Variants in CNTNAP2 observed in about 807,000 individuals in gnomAD.
CNTNAP2 encodes the protein contactin-associated protein-like 2.
Under a neutral mutation model 155.2 loss-of-function variants are expected in CNTNAP2, and 98 were observed. The observed-to-expected ratio is 0.63, with a 90% CI of 0.54 to 0.75. CNTNAP2 has a LOEUF of 0.75. CNTNAP2 is among the 30% of genes least tolerant of loss of function. CNTNAP2 has a pLI of 0.00. For missense variants in CNTNAP2, 1,727 were observed against 1,688.1 expected (o/e 1.02, Z -0.40); for synonymous variants, 651 against 631.2 (o/e 1.03, Z -0.47).
In CNTNAP2 at chr7:146,246,429, G is replaced by C. The variant is rs528925406; in HGVS notation, c.97+129456G>C. Among the ~76,000 whole-genome samples the C allele has an allele frequency of 1.2e-4, 18 of 150,240 alleles. 1 individual carries two copies. Among genetic ancestry groups the C allele is most frequent in the Admixed American group, 1.1e-3 (17 of 15,188 alleles). On this transcript the variant is annotated intron_variant, in intron 1 of 23. Transcript: ENST00000361727. ...AAGAGTATTGTCTAAGTTGGCATGAGAGTGGGGGTTTTAAGAGGTTTAGAA... is the reference window on the plus strand; with the variant it reads ...AAGAGTATTGTCTAAGTTGGCATGACAGTGGGGGTTTTAAGAGGTTTAGAA...
chr7:148,287,773 C>CTT (rs2116474194), intron 21 of CNTNAP2, among the ~76,000 whole-genome samples: 2 of 146,912 alleles, frequency 1.4e-5, no homozygotes, highest in Admixed American at 1.4e-4. Context: ...GTCTCTCTTC[C>CTT]TCTTTCTTTC....
intron 1 of CNTNAP2, among the ~76,000 whole-genome samples, chr7:146,633,169 G>T (rs891127355): frequency 6.6e-6 from 1 of 152,034 alleles, no homozygotes; most frequent in Non-Finnish European, 1.5e-5. Context: ...TGTACACCCC[G>T]TAGATTATAC....
At chr7:146,415,260 A>G (rs1795922790) in intron 1 of CNTNAP2, among the ~76,000 whole-genome samples, 1 of 152,106 alleles carries the variant, frequency 6.6e-6, no homozygotes, top group Non-Finnish European at 1.5e-5. Context: ...ACACACAATG[A>G]TCACCTTCCT....
chr7:146,708,417 C>T lies in CNTNAP2; in HGVS notation c.98-65854C>T, dbSNP rs184087390. The stretch of plus-strand genomic sequence containing the variant: ...TTTTTTGTGGTTCTCTCTTAGGAGA[C>T]TTTTGCTGAAGCTTAAATGCTTTAA... On this transcript the variant is annotated intron_variant, in intron 1 of 23. Coordinates refer to ENST00000361727, the MANE Select transcript of CNTNAP2 (RefSeq NM_014141.6). 2.4e-3 allele frequency among the ~76,000 whole-genome samples: 359 copies of T among 151,748 alleles called. 1 individual carries two copies. Among genetic ancestry groups the T allele is most frequent in the Non-Finnish European group, 3.7e-3 (252 of 67,916 alleles).
At chr7:146,932,772 A>G (rs1796806287) in intron 3 of CNTNAP2, among the ~76,000 whole-genome samples, 1 of 152,102 alleles carries the variant, frequency 6.6e-6, no homozygotes. Context: ...CAAAAATCAC[A>G]AGCATTCTTA....
intron 18 of CNTNAP2, 71 bp downstream of exon 18, chr7:148,172,549 T>G (rs955291258): frequency 4.0e-5 from 53 of 1,315,368 alleles, no homozygotes; most frequent in Non-Finnish European, 5.5e-5. Flanking sequence ...TTTAATGATT[T>G]TTCATATGTA....
At chr7:146,701,406 A>C (rs922081591) in intron 1 of CNTNAP2, among the ~76,000 whole-genome samples, 2 of 152,150 alleles carry the variant, frequency 1.3e-5, no homozygotes, top group African/African-American at 4.8e-5. Context: ...TTCTGGGCCA[A>C]TGCCCATACT....
intron 4 of CNTNAP2, among the ~76,000 whole-genome samples, chr7:147,106,684 T>G (rs1007300747): frequency 3.9e-5 from 6 of 152,166 alleles, no homozygotes; most frequent in Non-Finnish European, 7.4e-5. Context: ...AAGCCATCAA[T>G]GATTTGAAAG....
chr7:146,480,872 C>A (rs1796950407), intron 1 of CNTNAP2, among the ~76,000 whole-genome samples: 1 of 151,090 alleles, frequency 6.6e-6, no homozygotes, highest in Non-Finnish European at 1.5e-5. Flanking sequence ...TCAGTAGAGA[C>A]AGGGTTTCAC....
chr7:147,062,235 A>G (rs149307575), intron 4 of CNTNAP2, among the ~76,000 whole-genome samples: 7 of 150,852 alleles, frequency 4.6e-5, no homozygotes, highest in African/African-American at 1.7e-4. Context: ...TATTTTCAAT[A>G]TCACATTAAA....
At chr7:146,893,012 TAA>T (rs1252595388) in intron 3 of CNTNAP2, among the ~76,000 whole-genome samples, 1 of 152,136 alleles carries the variant, frequency 6.6e-6, no homozygotes, top group Non-Finnish European at 1.5e-5. Flanking sequence ...ATAGTGACAG[TAA>T]TTGGTAGGAA....
rs563558737 is a variant in CNTNAP2, at chr7:147,195,627, C to T, written c.1348+63118C>T. On this transcript the variant is annotated intron_variant, in intron 8 of 23. Coordinates refer to ENST00000361727, the MANE Select transcript of CNTNAP2 (RefSeq NM_014141.6). ...GGTTTTTAGTTCTCCTTGAAGAGGT[C>T]CTTCATGTCCCTTGTTAACTATATT... Among the ~76,000 whole-genome samples the T allele has an allele frequency of 7.6e-4, 115 of 152,152 alleles. 1 individual carries two copies. The highest frequency in any genetic ancestry group is 1.0e-3 in the Non-Finnish European group (71 of 68,016).
chr7:147,100,021 G>A (rs1238602109), intron 4 of CNTNAP2, among the ~76,000 whole-genome samples: 3 of 152,142 alleles, frequency 2.0e-5, no homozygotes, highest in Non-Finnish European at 4.4e-5. Flanking sequence ...GGATATATGA[G>A]AGTTATAACC....
rs538710007 is a variant in CNTNAP2, at chr7:146,907,589, C to G, written c.402+67685C>G. Among the ~76,000 whole-genome samples the G allele has an allele frequency of 3.3e-3, 482 of 148,238 alleles. 6 individuals carry two copies. The highest frequency in any genetic ancestry group is 0.011 in the African/African-American group (437 of 39,932). ...AAGGAGAAATAAAATACTTTACAGA[C>G]AAGCAAATGCTGAGAGATTTTGTCA... On this transcript the variant is annotated intron_variant, in intron 3 of 23. Coordinates refer to ENST00000361727, the MANE Select transcript of CNTNAP2 (RefSeq NM_014141.6).
chr7:148,207,037 C>T (rs1003074197), intron 18 of CNTNAP2, among the ~76,000 whole-genome samples: 1 of 152,212 alleles, frequency 6.6e-6, no homozygotes, highest in African/African-American at 2.4e-5. Context: ...TTTGCTCTGT[C>T]TCCCAACCCA....
intron 1 of CNTNAP2, among the ~76,000 whole-genome samples, chr7:146,685,515 C>G (rs1800581686): frequency 1.3e-5 from 2 of 152,158 alleles, no homozygotes; most frequent in African/African-American, 4.8e-5. Flanking sequence ...AAAAATACAT[C>G]CTTTCTCAGA....
chr7:147,371,966 A>C (rs911076753), intron 9 of CNTNAP2, among the ~76,000 whole-genome samples: 10 of 152,114 alleles, frequency 6.6e-5, no homozygotes, highest in African/African-American at 2.4e-4. Flanking sequence ...ATCTTGTTTC[A>C]CAGTAGAGTT....
intron 1 of CNTNAP2, among the ~76,000 whole-genome samples, chr7:146,350,300 A>G (rs181339004): frequency 0.014 from 2,138 of 152,304 alleles, 51 homozygotes; most frequent in African/African-American, 0.047. Context: ...GCTAATATCT[A>G]GAATCTACAA....
chr7:147,367,144 C>T (rs1245847670), intron 9 of CNTNAP2, among the ~76,000 whole-genome samples: 2 of 152,152 alleles, frequency 1.3e-5, no homozygotes, highest in African/African-American at 2.4e-5. Flanking sequence ...TGACCACTCT[C>T]CAATGCATTG....
Sources: gnomAD v4.1 joint callset for allele counts (sites outside exome capture counted in the v4.1 genomes callset) on GRCh38, gnomAD v4.1.1 for gene constraint, MANE v1.5 for transcripts, NCBI Gene and HGNC (gene_info 2026-07-23, HGNC 2026-07-21) for gene names.